Variants in CDH19 observed in about 807,000 individuals in gnomAD.
CDH19 encodes the protein cadherin-19.
Under a neutral mutation model 64.2 loss-of-function variants are expected in CDH19, and 67 were observed. That is an observed-to-expected ratio of 1.04 (90% CI 0.86 to 1.28). The LOEUF (loss-of-function observed/expected upper bound fraction) is 1.28. CDH19 is among the 50% of genes most tolerant of loss of function. The pLI is 0.00. For missense variants in CDH19, 1,030 were observed against 929.0 expected (o/e 1.11, Z -1.41); for synonymous variants, 346 against 319.3 (o/e 1.08, Z -0.89).
intron 7 of CDH19, among the ~76,000 whole-genome samples, chr18:66,538,845 G>A (rs1053782090): frequency 1.3e-5 from 2 of 151,958 alleles, no homozygotes; most frequent in Non-Finnish European, 1.5e-5. Context: ...TGCTTCGGTT[G>A]TCACATGGCA....
At chr18:66,576,953 G>A (rs1360635355) in intron 1 of CDH19, among the ~76,000 whole-genome samples, 1 of 151,308 alleles carries the variant, frequency 6.6e-6, no homozygotes, top group Non-Finnish European at 1.5e-5. Flanking sequence ...TTATACAACA[G>A]TACATTTTAT....
Position 66,503,120 on chromosome 18 carries a change from G to T in CDH19, c.*1692C>A, listed in dbSNP as rs1217118794. 6.6e-6 allele frequency: 1 copy of T among 151,774 alleles called. No individual in the cohort carries two copies. The highest frequency in any genetic ancestry group is 1.5e-5 in the Non-Finnish European group (1 of 67,806). The allele number at this position is 151,774 out of a possible 1,614,324, so 9.4% of individuals were successfully genotyped here. On this transcript the variant is annotated 3_prime_UTR_variant, in exon 12 of 12. Coordinates refer to ENST00000262150, the MANE Select transcript of CDH19 (RefSeq NM_021153.4). ...AAATGATCATATGAACCAATTTTAA[G>T]AATTTTGTATTCACTACTTTCTTCC...
chr18:66,529,354 C>T (rs1257587770), intron 9 of CDH19, among the ~76,000 whole-genome samples: 1 of 150,520 alleles, frequency 6.6e-6, no homozygotes, highest in African/African-American at 2.4e-5. Flanking sequence ...TTAAATGTGA[C>T]TAACCTATAG....
At chr18:66,548,100 G>T (rs992111979) in intron 5 of CDH19, among the ~76,000 whole-genome samples, 2 of 144,972 alleles carry the variant, frequency 1.4e-5, no homozygotes, top group Non-Finnish European at 3.0e-5. Context: ...TTATATATTT[G>T]TTATATATTA....
chr18:66,555,505 T>G (rs1446366592), intron 3 of CDH19, among the ~76,000 whole-genome samples: 1 of 151,792 alleles, frequency 6.6e-6, no homozygotes, highest in African/African-American at 2.4e-5. Flanking sequence ...GTCTTAATAT[T>G]TTTATAATGC....
chr18:66,589,519 G>A (rs887720573), intron 1 of CDH19, among the ~76,000 whole-genome samples: 1 of 151,760 alleles, frequency 6.6e-6, no homozygotes, highest in Admixed American at 6.6e-5. Context: ...ATAATACCTA[G>A]ACAAACATAT....
chr18:66,574,200 T>C (rs1183380493), intron 1 of CDH19, among the ~76,000 whole-genome samples: 1 of 151,730 alleles, frequency 6.6e-6, no homozygotes, highest in African/African-American at 2.4e-5. Context: ...ATGTTGCTAA[T>C]TGTATCACTG....
Position 66,511,689 on chromosome 18 carries a change from A to C in CDH19, c.1459-4T>G. 7.4e-7 allele frequency: 1 copy of C among 1,349,140 alleles called. No individual in the cohort carries two copies. 83.6% of individuals were successfully genotyped at this position (1,349,140 alleles called of 1,614,324 possible). The stretch of plus-strand genomic sequence containing the variant: ...CTGCACTGATAGTCTGAATTACCTA[A>C]AAAAAAAGGGGGATAGATTTTTGTT... On this transcript the variant is annotated splice_region_variant and splice_polypyrimidine_tract_variant and intron_variant, in intron 9 of 11. Coordinates refer to ENST00000262150, the MANE Select transcript of CDH19 (RefSeq NM_021153.4).
At chr18:66,580,225 T>C (rs960643059) in intron 1 of CDH19, among the ~76,000 whole-genome samples, 1 of 152,054 alleles carries the variant, frequency 6.6e-6, no homozygotes, top group East Asian at 1.9e-4. Context: ...ATTTGGACAC[T>C]ATTTTGGAGA....
At chr18:66,515,159 A>G (rs1462758947) in intron 9 of CDH19, among the ~76,000 whole-genome samples, 1 of 151,736 alleles carries the variant, frequency 6.6e-6, no homozygotes, top group East Asian at 1.9e-4. Context: ...TTGGAGTTGT[A>G]ATAAATGAAT....
intron 9 of CDH19, among the ~76,000 whole-genome samples, 178 bp from the exon 10 acceptor site, chr18:66,511,863 T>C (rs867255676): frequency 6.6e-6 from 1 of 151,572 alleles, no homozygotes; most frequent in South Asian, 2.1e-4. Flanking sequence ...TAAAAATATG[T>C]TCACTTCCTT....
At chr18:66,534,585 C>A (rs1289434809) in intron 8 of CDH19, among the ~76,000 whole-genome samples, 2 of 151,748 alleles carry the variant, frequency 1.3e-5, no homozygotes, top group South Asian at 2.1e-4. Context: ...ATATTTATTT[C>A]TTTAAGCTTT....
chr18:66,537,756 T>C (rs1211523432), intron 7 of CDH19, among the ~76,000 whole-genome samples: 1 of 152,020 alleles, frequency 6.6e-6, no homozygotes, highest in Non-Finnish European at 1.5e-5. Context: ...TGGAGAGTAG[T>C]ATTAGAAAGC....
At chr18:66,567,197 A>C (rs1987942236) in intron 3 of CDH19, among the ~76,000 whole-genome samples, 1 of 151,900 alleles carries the variant, frequency 6.6e-6, no homozygotes, top group Non-Finnish European at 1.5e-5. Context: ...TTTTATCTAT[A>C]GTTTCAAAGG....
At chr18:66,512,698 C>T (rs978898545) in intron 9 of CDH19, among the ~76,000 whole-genome samples, 1 of 151,314 alleles carries the variant, frequency 6.6e-6, no homozygotes, top group Non-Finnish European at 1.5e-5. Context: ...TAACAAAACA[C>T]ATTTTATTCA....
intron 11 of CDH19, among the ~76,000 whole-genome samples, chr18:66,508,502 G>C (rs1985311539): frequency 6.6e-6 from 1 of 151,480 alleles, no homozygotes; most frequent in Non-Finnish European, 1.5e-5. Context: ...TTCTAGCTGT[G>C]TGACCCTTCA....
intron 9 of CDH19, among the ~76,000 whole-genome samples, chr18:66,519,557 G>A (rs1985891991): frequency 6.6e-6 from 1 of 151,930 alleles, no homozygotes; most frequent in African/African-American, 2.4e-5. Context: ...TCACATAAGG[G>A]GAAACATATT....
At chr18:66,525,068 T>A (rs1986168454) in intron 9 of CDH19, among the ~76,000 whole-genome samples, 2 of 152,138 alleles carry the variant, frequency 1.3e-5, no homozygotes, top group Non-Finnish European at 2.9e-5. Flanking sequence ...TATTTAACAA[T>A]TTGTGTCCTA....
rs779490170 is a variant in CDH19 at position 66,572,169 on chromosome 18, T to G, written c.36A>C (p.Gly12=). Residue 12 remains glycine (G), a synonymous_variant, in exon 2 of 12, where the codon GGA becomes GGC. Coordinates refer to ENST00000262150, the MANE Select transcript of CDH19 (RefSeq NM_021153.4). ...NCYLLLRFML[G]IPLLWPCLGA... Reference sequence around the variant, plus strand: ...CAAGACAAGGCCATAGGAGAGGAATTCCCAACATAAAACGCAGCAGTAAAT... The same window carrying G: ...CAAGACAAGGCCATAGGAGAGGAATGCCCAACATAAAACGCAGCAGTAAAT... The G allele has an allele frequency of 1.9e-6, 3 of 1,611,082 alleles. No homozygotes were observed. In the Admixed American group the frequency reaches 5.0e-5, roughly 27 times the overall value.
Sources: gnomAD v4.1 joint callset for allele counts (sites outside exome capture counted in the v4.1 genomes callset) on GRCh38, gnomAD v4.1.1 for gene constraint, MANE v1.5 for transcripts, NCBI Gene and HGNC (gene_info 2026-07-23, HGNC 2026-07-21) for gene names.